DCUN1D5: variants seen among roughly 807,000 people sequenced by gnomAD.
DCUN1D5 encodes the protein DCN1-like protein 5.
Under a neutral mutation model 38.3 loss-of-function variants are expected in DCUN1D5, and 10 were observed. The observed-to-expected ratio is 0.26, with a 90% CI of 0.16 to 0.44. The LOEUF (loss-of-function observed/expected upper bound fraction) is 0.44, where lower values mean the gene tolerates loss of function less well. Ranked by LOEUF, DCUN1D5 falls within the 20% of genes least tolerant of loss-of-function variation. The pLI is 1.00. For missense variants in DCUN1D5, 148 were observed against 275.3 expected, an observed-to-expected ratio of 0.54 and a Z score of 3.27; for synonymous variants, 93 against 90.9, an observed-to-expected ratio of 1.02 and a Z score of -0.13.
In DCUN1D5 at chr11:103,059,563, A is replaced by G. The variant is rs1353367372; in HGVS notation, c.*2796T>C. 2.0e-5 allele frequency among the ~76,000 whole-genome samples: 3 copies of G among 152,156 alleles called. No homozygotes were observed. The highest frequency in any genetic ancestry group is 1.5e-5 in the Non-Finnish European group (1 of 68,014). On this transcript the variant is annotated 3_prime_UTR_variant, in exon 8 of 8. Transcript: ENST00000260247. ...ATGCTACTACTGTCAAAAATGTATT[A>G]TATCAATAATTTTATCAGCAGCATT...
chr11:103,083,224 T>C lies in DCUN1D5; in HGVS notation c.249+32A>G. 1 of 1,116,068 alleles carries C rather than the reference T, an allele frequency of 9.0e-7. No individual in the cohort carries two copies. Among genetic ancestry groups the C allele is most frequent in the Non-Finnish European group, 1.4e-6 (1 of 729,906 alleles). The allele number at this position is 1,116,068 out of a possible 1,614,324, so 69.1% of individuals were successfully genotyped here. On this transcript the variant is annotated intron_variant, in intron 3 of 7. Coordinates refer to ENST00000260247, the MANE Select transcript of DCUN1D5 (RefSeq NM_032299.4). The surrounding 1 kb of genome is among the most constrained non-coding windows in gnomAD (Gnocchi z 4.4). ...ATTTACGAATATGCTATACCCCACT[T>C]ATATGCCATTCTACTTAGAAATAAA...
rs1000411967 is a variant in DCUN1D5 at position 103,061,297 on chromosome 11, G to A, written c.*1062C>T. 7.2e-5 allele frequency among the ~76,000 whole-genome samples: 11 copies of A among 152,086 alleles called. No individual in the cohort carries two copies. The highest frequency in any genetic ancestry group is 2.7e-4 in the African/African-American group (11 of 41,412). ...TGACTGGGCTATGAATATGAACAAA[G>A]TTTTCATATCACTGGGATACTGGAT... On this transcript the variant is annotated 3_prime_UTR_variant, in exon 8 of 8. Coordinates refer to ENST00000260247, the MANE Select transcript of DCUN1D5 (RefSeq NM_032299.4).
At chr11:103,069,483 CCTCT>C (rs1862218301) in intron 4 of DCUN1D5, among the ~76,000 whole-genome samples, 1 of 152,142 alleles carries the variant, frequency 6.6e-6, no homozygotes, top group South Asian at 2.1e-4. Flanking sequence ...TATAATAAAG[CCTCT>C]CTCTCAACTC....
rs539046674 is a variant in DCUN1D5, at chr11:103,078,316, G to C, written c.341+4432C>G. ...GATATGAGAAAAGACCTCCACTCTA[G>C]TACACTATGCCAGAACAAAAACTCG... On this transcript the variant is annotated intron_variant, in intron 4 of 7. Transcript: ENST00000260247. The surrounding 1 kb of genome is among the most constrained non-coding windows in gnomAD (Gnocchi z 4.6). 6.6e-6 allele frequency among the ~76,000 whole-genome samples: 1 copy of C among 152,240 alleles called. No homozygotes were observed. The highest frequency in any genetic ancestry group is 3.4e-3 in the Middle Eastern group (1 of 294).
Position 103,051,681 on chromosome 11 carries a change from T to C in DCUN1D5, c.*10678A>G, listed in dbSNP as rs1048250. The C allele has an allele frequency of 6.6e-6, 1 of 152,256 alleles. No homozygotes were observed. The highest frequency in any genetic ancestry group is 2.1e-4 in the South Asian group (1 of 4,822). 9.4% of individuals were successfully genotyped at this position (152,256 alleles called of 1,614,324 possible). On this transcript the variant is annotated 3_prime_UTR_variant, in exon 8 of 8. Coordinates refer to ENST00000260247, the MANE Select transcript of DCUN1D5 (RefSeq NM_032299.4). The stretch of plus-strand genomic sequence containing the variant: ...GTTTTACTTAGCATTTTACAAACAC[T>C]TTTAAGTACAATATCAATATGCACA...
At position 103,089,401 on chromosome 11, in the gene DCUN1D5, T is replaced by C. The variant is rs532991080; in HGVS notation, c.87-83A>G. The C allele has an allele frequency of 1.4e-4, 169 of 1,248,072 alleles. 1 individual carries two copies. In the South Asian group the frequency reaches 2.4e-3, roughly 18 times the overall value. 77.3% of individuals were successfully genotyped at this position (1,248,072 alleles called of 1,614,324 possible). A position where few individuals can be genotyped will look rare whatever the true frequency, so the allele number is the denominator to read the frequency against. On this transcript the variant is annotated intron_variant, in intron 1 of 7. Coordinates refer to ENST00000260247, the MANE Select transcript of DCUN1D5 (RefSeq NM_032299.4). ...CTAAGTTCAAAATTAACAACTTCCATTCACATTAAACAAAGGTTTTTTTTT... is the reference window on the plus strand; with the variant it reads ...CTAAGTTCAAAATTAACAACTTCCACTCACATTAAACAAAGGTTTTTTTTT...
intron 4 of DCUN1D5, among the ~76,000 whole-genome samples, chr11:103,076,916 T>C (rs1186882155): frequency 1.3e-5 from 2 of 152,120 alleles, no homozygotes; most frequent in Non-Finnish European, 2.9e-5. Context: ...AAAAAAAGAA[T>C]AGGCCAGCAC....
intron 4 of DCUN1D5, among the ~76,000 whole-genome samples, chr11:103,072,343 TCTAGATCTAGATCTAGATCTAGAA>T (rs1862295192): frequency 3.6e-5 from 3 of 82,622 alleles, no homozygotes; most frequent in Non-Finnish European, 5.3e-5. Flanking sequence ...TAGAACTAGA[TCTAGATCTAGATCTAGATCTAGAA>T]CTAGAACTAG....
rs1230307036 is a variant in DCUN1D5 at position 103,086,803 on chromosome 11, A to G, written c.178+2424T>C. On this transcript the variant is annotated intron_variant, in intron 2 of 7. Coordinates refer to ENST00000260247, the MANE Select transcript of DCUN1D5 (RefSeq NM_032299.4). This position sits in a 1 kb window ranked among gnomAD's most constrained non-coding sequence, Gnocchi z 4.1. ...CAAGAGTACCAATATTTTCTTTGCA[A>G]AAGTGAAAATTAGCTTAAATAAAAA... Among the ~76,000 whole-genome samples, 1 of 152,160 alleles carries G rather than the reference A, an allele frequency of 6.6e-6. No homozygotes were observed. The highest frequency in any genetic ancestry group is 2.1e-4 in the South Asian group (1 of 4,826).
rs544979118 is a variant in DCUN1D5 at position 103,051,403 on chromosome 11, G to C, written c.*10956C>G. The C allele has an allele frequency of 4.0e-5, 6 of 151,306 alleles. No individual in the cohort carries two copies. The highest frequency in any genetic ancestry group is 8.8e-5 in the Non-Finnish European group (6 of 67,954). 9.4% of individuals were successfully genotyped at this position (151,306 alleles called of 1,614,324 possible). Reference sequence around the variant, plus strand: ...CTTAGAAATGATATCAGCATGAAAAGTTCATGACTTATTCACCTGTGACAT... The same window carrying C: ...CTTAGAAATGATATCAGCATGAAAACTTCATGACTTATTCACCTGTGACAT... On this transcript the variant is annotated 3_prime_UTR_variant, in exon 8 of 8. Transcript: ENST00000260247.
Position 103,091,774 on chromosome 11 carries a change from G to C in DCUN1D5, c.86+13C>G. On this transcript the variant is annotated intron_variant, in intron 1 of 7. Coordinates refer to ENST00000260247, the MANE Select transcript of DCUN1D5 (RefSeq NM_032299.4). This position sits in a 1 kb window ranked among gnomAD's most constrained non-coding sequence, Gnocchi z 4.3. ...GGGAGGAGGGAAGCTTGAAGGGTGGGGGGAGATGGTACCTGGAGATTTTAC... is the reference window on the plus strand; with the variant it reads ...GGGAGGAGGGAAGCTTGAAGGGTGGCGGGAGATGGTACCTGGAGATTTTAC... The C allele has an allele frequency of 6.2e-7, 1 of 1,614,018 alleles. No homozygotes were observed. The highest frequency in any genetic ancestry group is 8.5e-7 in the Non-Finnish European group (1 of 1,179,926).
At chr11:103,084,060 A>AGGGTG (rs1862636127) in intron 2 of DCUN1D5, among the ~76,000 whole-genome samples, 1 of 152,198 alleles carries the variant, frequency 6.6e-6, no homozygotes, top group Non-Finnish European at 1.5e-5. Flanking sequence ...AGCAACATTA[A>AGGGTG]TAAATCAATA....
intron 4 of DCUN1D5, among the ~76,000 whole-genome samples, chr11:103,072,378 A>ATCTAGATCT (rs1862299783): frequency 6.6e-6 from 1 of 151,992 alleles, no homozygotes; most frequent in African/African-American, 2.4e-5. Context: ...CTAGAACTAG[A>ATCTAGATCT]AATACCATTT....
chr11:103,074,629 C>A lies in DCUN1D5; in HGVS notation c.342-8062G>T, dbSNP rs182038238. 3.9e-3 allele frequency among the ~76,000 whole-genome samples: 587 copies of A among 152,304 alleles called. 1 individual carries two copies. The highest frequency in any genetic ancestry group is 6.4e-3 in the Non-Finnish European group (433 of 68,032). On this transcript the variant is annotated intron_variant, in intron 4 of 7. Transcript: ENST00000260247. ...CCATGTTGGCCAGGATGGTCTCAATCTCCTGACCTCGTGATTGGCCCATCT... is the reference window on the plus strand; with the variant it reads ...CCATGTTGGCCAGGATGGTCTCAATATCCTGACCTCGTGATTGGCCCATCT...
rs1861760643 is a variant in DCUN1D5 at position 103,052,269 on chromosome 11, C to T, written c.*10090G>A. The T allele has an allele frequency of 6.6e-6, 1 of 152,154 alleles. No individual in the cohort carries two copies. Among genetic ancestry groups the T allele is most frequent in the Admixed American group, 6.6e-5 (1 of 15,262 alleles). The allele number at this position is 152,154 out of a possible 1,614,324, so 9.4% of individuals were successfully genotyped here. A position where few individuals can be genotyped will look rare whatever the true frequency, so the allele number is the denominator to read the frequency against. On this transcript the variant is annotated 3_prime_UTR_variant, in exon 8 of 8. Coordinates refer to ENST00000260247, the MANE Select transcript of DCUN1D5 (RefSeq NM_032299.4). ...TGTGGATATGTAAACGTTTTACAGACATATGTGTACAATTGGTCATTCATT... is the reference window on the plus strand; with the variant it reads ...TGTGGATATGTAAACGTTTTACAGATATATGTGTACAATTGGTCATTCATT...
intron 2 of DCUN1D5, among the ~76,000 whole-genome samples, chr11:103,085,549 T>C (rs761710792): frequency 1.3e-5 from 2 of 152,194 alleles, no homozygotes; most frequent in African/African-American, 2.4e-5. Flanking sequence ...TGAGATTACA[T>C]AGAGATATAA....
At chr11:103,068,009 AC>A (rs1400338874) in intron 4 of DCUN1D5, among the ~76,000 whole-genome samples, 2 of 152,198 alleles carry the variant, frequency 1.3e-5, no homozygotes, top group Non-Finnish European at 2.9e-5. Flanking sequence ...TAATAAACCA[AC>A]ATTTTTAATG....
rs947643775 is a variant in DCUN1D5, at chr11:103,058,854, A to G, written c.*3505T>C. 1.1e-4 allele frequency among the ~76,000 whole-genome samples: 17 copies of G among 150,820 alleles called. No homozygotes were observed. The highest frequency in any genetic ancestry group is 3.9e-4 in the African/African-American group (16 of 40,610). On this transcript the variant is annotated 3_prime_UTR_variant, in exon 8 of 8. Transcript: ENST00000260247. The stretch of plus-strand genomic sequence containing the variant: ...TCAAGAGGGAAGGATTCCTCCTTAG[A>G]GGTAAGAATTCTTCTTTAGGAGTAA...
chr11:103,092,044 C>T lies in DCUN1D5; in HGVS notation c.-172G>A. On this transcript the variant is annotated 5_prime_UTR_variant, in exon 1 of 8. Transcript: ENST00000260247. ...CGGCCGCCGCCCGCTCCCAGGTATC[C>T]TCGTCGTCTTTCTCTGACCGGGACA... 1 of 611,890 alleles carries T rather than the reference C, an allele frequency of 1.6e-6. No homozygotes were observed. 37.9% of individuals were successfully genotyped at this position (611,890 alleles called of 1,614,324 possible).
Sources: allele counts gnomAD v4.1 joint callset (sites outside exome capture counted in the v4.1 genomes callset), GRCh38; gene constraint gnomAD v4.1.1; non-coding constraint Gnocchi (gnomAD v3.1); transcripts MANE v1.5; gene names NCBI Gene and HGNC (gene_info 2026-07-23, HGNC 2026-07-21).